Variants in TTLL8 observed in about 807,000 individuals in gnomAD.
TTLL8 encodes protein monoglycylase TTLL8.
TTLL8 carries 65 observed loss-of-function variants against 77.8 expected under a neutral mutation model. The observed-to-expected ratio is 0.84, with a 90% CI of 0.68 to 1.03. TTLL8 has a LOEUF of 1.03. Ranked by LOEUF, TTLL8 falls within the 50% of genes least tolerant of loss-of-function variation. TTLL8 has a pLI of 0.00. For synonymous variants in TTLL8, 402 were observed against 422.8 expected, an observed-to-expected ratio of 0.95 and a Z score of 0.60; for missense variants, 910 against 1,004.5, an observed-to-expected ratio of 0.91 and a Z score of 1.27.
At chr22:50,030,856 T>C in exon 12 of TTLL8, 1 of 1,337,184 alleles carries the variant, frequency 7.5e-7, no homozygotes, top group Non-Finnish European at 9.9e-7. Flanking sequence ...ACCTGCCTCC[T>C]GGCTCTCCTC....
chr22:50,047,744 T>A (rs1037447788), intron 3 of TTLL8, among the ~76,000 whole-genome samples: 4 of 152,166 alleles, frequency 2.6e-5, no homozygotes, highest in African/African-American at 9.7e-5. Flanking sequence ...GGGTTGGTCG[T>A]GGAGCTGGGG....
upstream of TTLL8, among the ~76,000 whole-genome samples, chr22:50,058,027 G>A (rs1324136960): frequency 1.2e-4 from 18 of 151,806 alleles, no homozygotes; most frequent in Admixed American, 1.2e-3. The surrounding 1 kb of genome is among the most constrained non-coding windows in gnomAD (Gnocchi z 4.2). Flanking sequence ...GCGGGGAGGG[G>A]GTAGGCCTGG....
At chr22:50,046,023 C>T in intron 4 of TTLL8, 53 bp from the exon 7 acceptor site, 3 of 1,302,192 alleles carry the variant, frequency 2.3e-6, no homozygotes, top group Non-Finnish European at 2.0e-6. Flanking sequence ...TCAGCTCTGC[C>T]TCGCTCACAA....
At chr22:50,057,022 G>A (rs928683096), upstream of TTLL8, 4 of 1,246,422 alleles carry the variant, frequency 3.2e-6, no homozygotes, top group Middle Eastern at 4.4e-4. Flanking sequence ...GGTGTGGGGG[G>A]CTCTGGGGAT....
chr22:50,057,517 G>A (rs1213165922), upstream of TTLL8, among the ~76,000 whole-genome samples: 2 of 107,670 alleles, frequency 1.9e-5, no homozygotes, highest in African/African-American at 9.1e-5. Flanking sequence ...TCTGGGTTGG[G>A]GGGTCAGGTC....
rs1236666524 is a variant in TTLL8 at position 50,041,290 on chromosome 22, C to G, written c.831-13G>C. On this transcript the variant is annotated splice_polypyrimidine_tract_variant and intron_variant, in intron 7 of 13. Transcript: ENST00000266182. The surrounding 1 kb of genome is among the most constrained non-coding windows in gnomAD (Gnocchi z 4.3). ...CCCCAAAGGCACCCTGAGGGGGTAT[C>G]ATCCTCTCAACAGTCATCAGGGTCC... 3.9e-6 allele frequency: 2 copies of G among 508,650 alleles called. No individual in the cohort carries two copies. Among genetic ancestry groups the G allele is most frequent in the Non-Finnish European group, 7.9e-6 (2 of 252,916 alleles). The allele number at this position is 508,650 out of a possible 1,614,324, so 31.5% of individuals were successfully genotyped here. A position where few individuals can be genotyped will look rare whatever the true frequency, so the allele number is the denominator to read the frequency against.
At chr22:50,038,020 C>T (rs187733314) in intron 8 of TTLL8, among the ~76,000 whole-genome samples, 5 of 152,276 alleles carry the variant, frequency 3.3e-5, no homozygotes, top group African/African-American at 1.2e-4. Context: ...TACACACACA[C>T]ACACACACGT....
chr22:50,033,103 G>A, intron 10 of TTLL8, 99 bp downstream of exon 11: 3 of 1,231,664 alleles, frequency 2.4e-6, no homozygotes, highest in Non-Finnish European at 3.2e-6. Flanking sequence ...TGGCAGTGAG[G>A]GGGCCCTGCC....
chr22:50,040,026 G>A (rs2061360157), intron 8 of TTLL8, among the ~76,000 whole-genome samples: 3 of 148,062 alleles, frequency 2.0e-5, no homozygotes, highest in East Asian at 2.0e-4. Context: ...CAGCGTGGAC[G>A]GACCTCACAG....
intron 11 of TTLL8, 28 bp downstream of exon 12, chr22:50,031,658 A>G (rs1417000842): frequency 8.1e-7 from 1 of 1,239,854 alleles, no homozygotes; most frequent in Non-Finnish European, 1.0e-6. Flanking sequence ...GGCGGCCACC[A>G]AAGTCCCCAG....
At position 50,045,250 on chromosome 22, in the gene TTLL8, C is replaced by T. The variant is rs372334692; in HGVS notation, c.643+5G>A. 2.5e-5 allele frequency: 34 copies of T among 1,352,212 alleles called. No individual in the cohort carries two copies. The Admixed American group carries it at 4.6e-4, about 18-fold the overall frequency. 83.8% of individuals were successfully genotyped at this position (1,352,212 alleles called of 1,614,324 possible). On this transcript the variant is annotated splice_donor_5th_base_variant and intron_variant, in intron 6 of 13. Transcript: ENST00000266182. ...CTGGCACTGCCCTGCCCCGGCCCAG[C>T]GCACCTTGCCTGCTGCTCAGGTCGC...
At chr22:50,056,917 C>G, upstream of TTLL8, 1 of 1,289,742 alleles carries the variant, frequency 7.8e-7, no homozygotes, top group Non-Finnish European at 1.0e-6. This position sits in a 1 kb window ranked among gnomAD's most constrained non-coding sequence, Gnocchi z 4.1. Context: ...AACGATAGCC[C>G]CTTCCTCTCT....
chr22:50,057,896 TGGGCTTTCGAGGGCGGGC>T (rs1370798659), upstream of TTLL8, among the ~76,000 whole-genome samples: 3 of 151,574 alleles, frequency 2.0e-5, no homozygotes, highest in East Asian at 5.8e-4. Context: ...AGAACAGCTC[TGGGCTTTCGAGGGCGGGC>T]GAGTGGGTAG....
chr22:50,036,481 G>T (rs991973006), intron 8 of TTLL8, among the ~76,000 whole-genome samples: 2 of 152,184 alleles, frequency 1.3e-5, no homozygotes, highest in Admixed American at 1.3e-4. Context: ...TCCTCAACAG[G>T]AACGGAGACC....
chr22:50,040,237 G>A (rs374774720), intron 8 of TTLL8, among the ~76,000 whole-genome samples: 142 of 140,984 alleles, frequency 1.0e-3, no homozygotes, highest in South Asian at 8.5e-3. Context: ...CACTTGTGCC[G>A]GCGTAGGCAG....
Position 50,047,508 on chromosome 22 carries a change from C to T in TTLL8, c.265-212G>A, listed in dbSNP as rs1050168784. On this transcript the variant is annotated intron_variant, in intron 3 of 13. Coordinates refer to ENST00000266182, the Ensembl canonical transcript of TTLL8. Reference sequence around the variant, plus strand: ...ACATACGGTTTCCACAGAGGGGCCTCGGGCTCTGGGGGGCCACCCCGATGT... The same window carrying T: ...ACATACGGTTTCCACAGAGGGGCCTTGGGCTCTGGGGGGCCACCCCGATGT... 7.9e-5 allele frequency among the ~76,000 whole-genome samples: 12 copies of T among 152,164 alleles called. No homozygotes were observed. The South Asian group carries it at 1.2e-3, about 16-fold the overall frequency.
At chr22:50,033,129 T>C (rs1445879554) in intron 10 of TTLL8, 73 bp downstream of exon 11, 2 of 1,267,230 alleles carry the variant, frequency 1.6e-6, no homozygotes, top group East Asian at 5.7e-5. Flanking sequence ...TGCTTCTCAC[T>C]GCGGCTGCTC....
rs779380994 is a variant in TTLL8, at chr22:50,034,514, C to A, written c.922-52G>T. 1.5e-6 allele frequency: 2 copies of A among 1,338,310 alleles called. No individual in the cohort carries two copies. The highest frequency in any genetic ancestry group is 4.1e-5 in the Admixed American group (2 of 49,338). 82.9% of individuals were successfully genotyped at this position (1,338,310 alleles called of 1,614,324 possible). A position where few individuals can be genotyped will look rare whatever the true frequency, so the allele number is the denominator to read the frequency against. On this transcript the variant is annotated intron_variant, in intron 8 of 13. Coordinates refer to ENST00000266182, the Ensembl canonical transcript of TTLL8. The surrounding 1 kb of genome is among the most constrained non-coding windows in gnomAD (Gnocchi z 4.1). Reference sequence around the variant, plus strand: ...AGATGAAAGCATCGCCACTACAAAGCAAGATCCAGAAAGTGCATGAGACTT... The same window carrying A: ...AGATGAAAGCATCGCCACTACAAAGAAAGATCCAGAAAGTGCATGAGACTT...
intron 12 of TTLL8, among the ~76,000 whole-genome samples, chr22:50,026,919 C>G (rs370962612): frequency 4.6e-4 from 70 of 152,226 alleles, no homozygotes; most frequent in African/African-American, 1.6e-3. Flanking sequence ...AGATCTGGAT[C>G]ATGGTTGGAA....
Sources: allele counts gnomAD v4.1 joint callset (sites outside exome capture counted in the v4.1 genomes callset), GRCh38; gene constraint gnomAD v4.1.1; non-coding constraint Gnocchi (gnomAD v3.1); transcripts MANE v1.5; gene names NCBI Gene and HGNC (gene_info 2026-07-23, HGNC 2026-07-21).